GLI3: variants seen among roughly 807,000 people sequenced by gnomAD.
The protein encoded by GLI3 is transcription activator GLI3.
In GLI3, 20 loss-of-function variants were observed where a neutral mutation model predicts 100.8. The ratio of observed to expected loss-of-function variants is 0.20; its 90% CI spans 0.14 to 0.29. The LOEUF (loss-of-function observed/expected upper bound fraction) is 0.29, where lower values mean the gene tolerates loss of function less well. GLI3 is among the 10% of genes least tolerant of loss of function. The probability of loss-of-function intolerance (pLI) is 1.00; values close to 1 mark genes in which losing one functional copy is unlikely to be tolerated. For missense variants in GLI3, 2,040 were observed against 2,128.5 expected (o/e 0.96, Z 0.82); for synonymous variants, 938 against 860.5 (o/e 1.09, Z -1.58).
intron 3 of GLI3, among the ~76,000 whole-genome samples, chr7:42,081,428 AT>A (rs1250792944): frequency 1.3e-5 from 2 of 152,222 alleles, no homozygotes; most frequent in Non-Finnish European, 1.5e-5. Context: ...TTTAAACCCT[AT>A]AAATATGTAA....
chr7:41,966,318 G>A lies in GLI3; in HGVS notation c.2755C>T (p.Leu919Phe), dbSNP rs760305537. The A allele has an allele frequency of 3.7e-6, 6 of 1,607,468 alleles. No individual in the cohort carries two copies. Among genetic ancestry groups the A allele is most frequent in the Non-Finnish European group, 4.2e-6 (5 of 1,179,150 alleles). Reference protein sequence around the residue: ...ASQSDGLPSLLSLTPAQQYRL... With the variant: ...ASQSDGLPSLFSLTPAQQYRL... Reference sequence around the variant, plus strand: ...TACTGCTGGGCGGGCGTGAGGCTGAGCAGGCTGGGCAGGCCGTCGCTCTGG... The same window carrying A: ...TACTGCTGGGCGGGCGTGAGGCTGAACAGGCTGGGCAGGCCGTCGCTCTGG... Residue 919 changes from leucine to phenylalanine, a missense_variant, in exon 15 of 15, where the codon CTC (leucine) becomes TTC (phenylalanine). Physicochemically the swap from Leu to Phe is conservative, Grantham distance 22. Transcript: ENST00000395925. This position sits in a 1 kb window ranked among gnomAD's most constrained non-coding sequence, Gnocchi z 5.8.
chr7:42,111,533 C>T (rs919890776), intron 3 of GLI3, among the ~76,000 whole-genome samples: 1 of 151,884 alleles, frequency 6.6e-6, no homozygotes, highest in Non-Finnish European at 1.5e-5. Context: ...ATGAACAGGA[C>T]ACCAGGAATA....
intron 7 of GLI3, among the ~76,000 whole-genome samples, chr7:42,029,226 G>A (rs979910146): frequency 1.3e-5 from 2 of 152,218 alleles, no homozygotes; most frequent in African/African-American, 4.8e-5. Context: ...GCCAGGGACT[G>A]TGCGCAGGAA....
At chr7:42,158,679 C>G (rs962479269) in intron 2 of GLI3, among the ~76,000 whole-genome samples, 1 of 151,978 alleles carries the variant, frequency 6.6e-6, no homozygotes, top group Admixed American at 6.6e-5. Flanking sequence ...TTAGTAGAGA[C>G]AGGATTTCAC....
chr7:42,237,586 C>T (rs1788839930), upstream of GLI3, among the ~76,000 whole-genome samples: 2 of 151,018 alleles, frequency 1.3e-5, no homozygotes, highest in Admixed American at 1.3e-4. Flanking sequence ...CTCCTCCCCG[C>T]GCTCCTCCTC....
intron 3 of GLI3, among the ~76,000 whole-genome samples, chr7:42,081,471 T>G (rs987838929): frequency 6.6e-6 from 1 of 152,182 alleles, no homozygotes; most frequent in Admixed American, 6.5e-5. Context: ...CTGAAATGCA[T>G]AGCAAAAATA....
At chr7:42,207,988 T>C (rs1035855750) in intron 2 of GLI3, among the ~76,000 whole-genome samples, 2 of 152,080 alleles carry the variant, frequency 1.3e-5, no homozygotes, top group Non-Finnish European at 2.9e-5. Flanking sequence ...CAAAACCCCG[T>C]CTCTACTAAA....
At chr7:42,022,749 G>C (rs2128730396) in intron 10 of GLI3, among the ~76,000 whole-genome samples, 1 of 152,302 alleles carries the variant, frequency 6.6e-6, no homozygotes, top group Middle Eastern at 3.4e-3. Context: ...GCACTGGGAA[G>C]GGGGTATCAC....
intron 6 of GLI3, 101 bp from the exon 7 acceptor site, chr7:42,040,340 T>G: frequency 1.1e-6 from 1 of 894,646 alleles, no homozygotes; most frequent in African/African-American, 1.6e-5. Flanking sequence ...GATAAGAAGC[T>G]GGCAACTTGC....
chr7:42,057,160 C>T (rs1784479984), intron 4 of GLI3, among the ~76,000 whole-genome samples: 1 of 152,140 alleles, frequency 6.6e-6, no homozygotes, highest in Non-Finnish European at 1.5e-5. Flanking sequence ...GCACTTCTTA[C>T]ATATTAAAAA....
intron 7 of GLI3, among the ~76,000 whole-genome samples, chr7:42,033,995 A>C (rs987690011): frequency 6.6e-6 from 1 of 152,214 alleles, no homozygotes; most frequent in African/African-American, 2.4e-5. Context: ...TAGGTTTTAC[A>C]TTATGAAACT....
At chr7:42,130,117 C>T (rs902152704) in intron 3 of GLI3, among the ~76,000 whole-genome samples, 2 of 152,072 alleles carry the variant, frequency 1.3e-5, no homozygotes, top group African/African-American at 4.8e-5. Context: ...CTTATTGGTA[C>T]CCAAGCCATA....
intron 2 of GLI3, among the ~76,000 whole-genome samples, chr7:42,205,489 C>A (rs563512010): frequency 6.6e-6 from 1 of 152,192 alleles, no homozygotes; most frequent in South Asian, 2.1e-4. Flanking sequence ...AGTCACCAAA[C>A]AACAGATGCC....
At chr7:41,978,812 G>A (rs764810492) in intron 10 of GLI3, 64 bp from the exon 11 acceptor site, 5 of 1,467,830 alleles carry the variant, frequency 3.4e-6, no homozygotes, top group Non-Finnish European at 4.8e-6. Flanking sequence ...GAAGGCGACA[G>A]AAGAAAATGC....
At position 42,144,605 on chromosome 7, in the gene GLI3, T is replaced by C. The variant is rs1200661100; in HGVS notation, c.367+3621A>G. Among the ~76,000 whole-genome samples the C allele has an allele frequency of 5.3e-5, 8 of 152,138 alleles. No homozygotes were observed. In the East Asian group the frequency reaches 1.5e-3, roughly 29 times the overall value. On this transcript the variant is annotated intron_variant, in intron 3 of 14. Coordinates refer to ENST00000395925, the MANE Select transcript of GLI3 (RefSeq NM_000168.6). Reference sequence around the variant, plus strand: ...TTTGCCTAACTACAATTTCTGAAGATGCAACATTGCATACCCAAATATAAT... The same window carrying C: ...TTTGCCTAACTACAATTTCTGAAGACGCAACATTGCATACCCAAATATAAT...
intron 3 of GLI3, 71 bp from the exon 4 acceptor site, chr7:42,076,928 C>T (rs1050375414): frequency 4.6e-6 from 4 of 867,298 alleles, no homozygotes; most frequent in East Asian, 2.5e-5. Flanking sequence ...CACAAAGCAA[C>T]ATTGCTATAC....
chr7:42,031,721 A>G (rs901419772), intron 7 of GLI3, among the ~76,000 whole-genome samples: 2 of 152,198 alleles, frequency 1.3e-5, no homozygotes, highest in Middle Eastern at 3.2e-3. Flanking sequence ...GAGCAGGTGT[A>G]TGGTCACTGG....
intron 3 of GLI3, 38 bp downstream of exon 3, chr7:42,148,188 T>A: frequency 1.3e-6 from 2 of 1,562,922 alleles, no homozygotes; most frequent in Non-Finnish European, 1.7e-6. Flanking sequence ...GCCCTCCCCA[T>A]AGCTCCTGAA....
chr7:42,083,532 C>T (rs1288640828), intron 3 of GLI3, among the ~76,000 whole-genome samples: 1 of 152,170 alleles, frequency 6.6e-6, no homozygotes, highest in African/African-American at 2.4e-5. Flanking sequence ...CTTTCCCACG[C>T]CAACAACAGA....
Sources: allele counts gnomAD v4.1 joint callset (sites outside exome capture counted in the v4.1 genomes callset), GRCh38; gene constraint gnomAD v4.1.1; non-coding constraint Gnocchi (gnomAD v3.1); transcripts MANE v1.5; gene names NCBI Gene and HGNC (gene_info 2026-07-23, HGNC 2026-07-21).